The following ATP6V0D2 variants were observed in gnomAD, a reference collection of about 807,000 sequenced individuals.
ATP6V0D2 encodes V-type proton ATPase subunit d 2.
A neutral mutation model predicts 40.0 loss-of-function variants in ATP6V0D2; 40 were observed. That is an observed-to-expected ratio of 1.00 (90% CI 0.78 to 1.30). The LOEUF is 1.30. Among genes scored for constraint, ATP6V0D2 ranks in the 50% most tolerant of loss-of-function variants. ATP6V0D2 has a pLI of 0.00. For missense variants in ATP6V0D2, 470 were observed against 423.1 expected (o/e 1.11, Z -0.97); for synonymous variants, 179 against 156.3 (o/e 1.15, Z -1.08).
At chr8:86,127,923 T>A (rs1293033046) in intron 2 of ATP6V0D2, among the ~76,000 whole-genome samples, 6 of 152,146 alleles carry the variant, frequency 3.9e-5, no homozygotes, top group Admixed American at 1.3e-4. Context: ...GATAAAAGGA[T>A]GTGGCTTTCT....
chr8:86,150,030 G>C, intron 5 of ATP6V0D2, 82 bp from the exon 6 acceptor site: 1 of 1,291,382 alleles, frequency 7.7e-7, no homozygotes, highest in East Asian at 2.3e-5. Context: ...AATCATTTCA[G>C]AAATGAATGT....
intron 2 of ATP6V0D2, among the ~76,000 whole-genome samples, chr8:86,120,251 A>G (rs1386407762): frequency 6.6e-6 from 1 of 152,098 alleles, no homozygotes; most frequent in Admixed American, 6.6e-5. Context: ...AAATTTAAAA[A>G]TTAGCCCAGT....
At chr8:86,151,417 A>C in intron 6 of ATP6V0D2, 49 bp from the exon 7 acceptor site, 1 of 1,259,760 alleles carries the variant, frequency 7.9e-7, no homozygotes, top group Non-Finnish European at 1.1e-6. Context: ...ATTTATATAC[A>C]TTTATAAGAA....
chr8:86,129,501 C>T (rs1363838713), intron 2 of ATP6V0D2, among the ~76,000 whole-genome samples: 5 of 151,170 alleles, frequency 3.3e-5, no homozygotes, highest in Non-Finnish European at 5.9e-5. Context: ...CACAGGGAGA[C>T]CCTGTCTCTA....
chr8:86,132,241 T>G (rs1446462389), intron 2 of ATP6V0D2, among the ~76,000 whole-genome samples: 1 of 152,076 alleles, frequency 6.6e-6, no homozygotes, highest in Non-Finnish European at 1.5e-5. Context: ...ATTTATGGGG[T>G]CCATGCAATT....
chr8:86,122,861 C>A (rs548268369), intron 2 of ATP6V0D2, among the ~76,000 whole-genome samples: 7 of 152,212 alleles, frequency 4.6e-5, no homozygotes, highest in South Asian at 4.2e-4. Flanking sequence ...ATTGCTGGAA[C>A]CTAGACATGA....
intron 1 of ATP6V0D2, among the ~76,000 whole-genome samples, chr8:86,112,340 TA>T (rs1353920327): frequency 2.6e-5 from 4 of 152,166 alleles, no homozygotes; most frequent in African/African-American, 9.7e-5. Flanking sequence ...TAGTTGGCAA[TA>T]AAATAAAGTT....
At chr8:86,152,689 C>T in intron 7 of ATP6V0D2, 127 bp from the exon 8 acceptor site, 1 of 852,718 alleles carries the variant, frequency 1.2e-6, no homozygotes, top group Non-Finnish European at 1.7e-6. Flanking sequence ...CTATTTGGCC[C>T]AATTTAGAGA....
chr8:86,126,262 A>ATATATATATATATATATATATATATATC (rs1191399026), intron 2 of ATP6V0D2, among the ~76,000 whole-genome samples: 2 of 131,336 alleles, frequency 1.5e-5, no homozygotes, highest in Admixed American at 7.7e-5. Flanking sequence ...ATATATATAT[A>ATATATATATATATATATATATATATATC]TCTTTTTGTA....
intron 1 of ATP6V0D2, among the ~76,000 whole-genome samples, chr8:86,100,759 C>T (rs1166500565): frequency 2.0e-5 from 3 of 151,198 alleles, no homozygotes; most frequent in Non-Finnish European, 2.9e-5. Flanking sequence ...TGAGAGGAGA[C>T]ATTTTAATGA....
At chr8:86,113,681 C>T (rs754483571) in intron 1 of ATP6V0D2, 28 bp from the exon 2 acceptor site, 2 of 1,558,138 alleles carry the variant, frequency 1.3e-6, no homozygotes, top group African/African-American at 1.4e-5. Flanking sequence ...CAAAATTTAA[C>T]CTGAATTGGG....
chr8:86,104,781 C>A (rs575045651), intron 1 of ATP6V0D2, among the ~76,000 whole-genome samples: 1 of 151,514 alleles, frequency 6.6e-6, no homozygotes, highest in South Asian at 2.1e-4. Context: ...TTATTTGTAC[C>A]TCTAATTATA....
chr8:86,123,257 C>A (rs1818696742), intron 2 of ATP6V0D2, among the ~76,000 whole-genome samples: 1 of 152,232 alleles, frequency 6.6e-6, no homozygotes, highest in East Asian at 1.9e-4. Flanking sequence ...CTGGGGCATA[C>A]TTAAAAATAA....
chr8:86,123,931 A>C (rs1300268002), intron 2 of ATP6V0D2, among the ~76,000 whole-genome samples: 1 of 152,142 alleles, frequency 6.6e-6, no homozygotes, highest in Non-Finnish European at 1.5e-5. Flanking sequence ...ATAGCCTTCC[A>C]TCTGGTCATG....
intron 5 of ATP6V0D2, among the ~76,000 whole-genome samples, chr8:86,148,244 T>G (rs1312118525): frequency 6.6e-6 from 1 of 152,188 alleles, no homozygotes; most frequent in Admixed American, 6.5e-5. Context: ...TCTTCTCTTA[T>G]CCCTAGAAGG....
intron 2 of ATP6V0D2, among the ~76,000 whole-genome samples, chr8:86,124,452 T>C (rs1385087647): frequency 2.6e-5 from 4 of 152,214 alleles, no homozygotes; most frequent in Non-Finnish European, 5.9e-5. Flanking sequence ...TCTAAGATCA[T>C]GCTTTTAAAA....
chr8:86,125,870 A>C (rs2873692), intron 2 of ATP6V0D2, among the ~76,000 whole-genome samples: 93,153 of 150,728 alleles, frequency 0.62, 29,782 homozygotes, highest in Non-Finnish European at 0.71. Flanking sequence ...ATTTTTGCAT[A>C]AATATATAAA....
At chr8:86,149,399 G>C (rs1284447385) in intron 5 of ATP6V0D2, among the ~76,000 whole-genome samples, 2 of 152,158 alleles carry the variant, frequency 1.3e-5, no homozygotes, top group East Asian at 1.9e-4. Flanking sequence ...GGTGCCTAGT[G>C]GTGTTCAGCA....
rs745395485 is a variant in ATP6V0D2 at position 86,098,945 on chromosome 8, G to C, written c.-34G>C. On this transcript the variant is annotated 5_prime_UTR_variant, in exon 1 of 8. Transcript: ENST00000285393. The stretch of plus-strand genomic sequence containing the variant: ...AGGGGCCGTCCAGGACTACAGAGCT[G>C]TTTCACCCTACCTTGGCTTCAATCT... 1 of 1,608,828 alleles carries C rather than the reference G, an allele frequency of 6.2e-7. No homozygotes were observed. The highest frequency in any genetic ancestry group is 8.5e-7 in the Non-Finnish European group (1 of 1,177,698).
Sources: allele counts gnomAD v4.1 joint callset (sites outside exome capture counted in the v4.1 genomes callset), GRCh38; gene constraint gnomAD v4.1.1; transcripts MANE v1.5; gene names NCBI Gene and HGNC (gene_info 2026-07-23, HGNC 2026-07-21).